The following PRSS23 variants were observed in gnomAD, a reference collection of about 807,000 sequenced individuals.
PRSS23 encodes the protein serine protease 23, also known as protease, serine 23.
In PRSS23, 25 loss-of-function variants were observed where a neutral mutation model predicts 34.7. That is an observed-to-expected ratio of 0.72 (90% CI 0.53 to 1.01). PRSS23 has a LOEUF of 1.01. Ranked by LOEUF, PRSS23 falls within the 50% of genes least tolerant of loss-of-function variation. PRSS23 has a pLI of 0.00. For synonymous variants in PRSS23, 176 were observed against 186.6 expected, an observed-to-expected ratio of 0.94 and a Z score of 0.46; for missense variants, 445 against 475.6, an observed-to-expected ratio of 0.94 and a Z score of 0.60.
At chr11:86,867,692 C>T (rs1338312339) in intron 2 of PRSS23, among the ~76,000 whole-genome samples, 1 of 151,942 alleles carries the variant, frequency 6.6e-6, no homozygotes, top group Non-Finnish European at 1.5e-5. Flanking sequence ...TCAGCCTGGG[C>T]AACATAGTGA....
chr11:86,800,812 G>T (rs1222805269), intron 1 of PRSS23, among the ~76,000 whole-genome samples, 161 bp downstream of exon 1: 1 of 152,216 alleles, frequency 6.6e-6, no homozygotes, highest in East Asian at 1.9e-4. Flanking sequence ...TCCAGGACAC[G>T]GGCTGGGGGC....
chr11:86,950,715 A>G (rs1949282927), intron 2 of PRSS23: 1 of 239,000 alleles, frequency 4.2e-6, no homozygotes, highest in Admixed American at 5.1e-5. Flanking sequence ...TTGCTATCTG[A>G]AAGACCCAGT....
chr11:86,851,319 G>A (rs1948527630), intron 2 of PRSS23, among the ~76,000 whole-genome samples: 1 of 152,192 alleles, frequency 6.6e-6, no homozygotes, highest in Non-Finnish European at 1.5e-5. Flanking sequence ...CAGGGGCAGG[G>A]GCAAGGGAGA....
At chr11:86,878,182 C>G in intron 2 of PRSS23, among the ~76,000 whole-genome samples, 1 of 102,680 alleles carries the variant, frequency 9.7e-6, no homozygotes, top group Admixed American at 9.7e-5. Flanking sequence ...TATAAAAATA[C>G]ACTTGAGAAA....
In PRSS23 at chr11:86,808,755, A is replaced by G; in HGVS notation, c.1112A>G (p.Tyr371Cys). Reference sequence around the variant, plus strand: ...CCTCTCAAATATGCCCAGATTTGCTATTGGATTAAAGGAAACTACCTGGAT... The same window carrying G: ...CCTCTCAAATATGCCCAGATTTGCTGTTGGATTAAAGGAAACTACCTGGAT... ...ITPLKYAQIC[Y>C]WIKGNYLDCR... Residue 371 changes from tyrosine (Y) to cysteine (C), a missense_variant, in exon 2 of 2, where the codon TAT becomes TGT. Physicochemically the swap from Tyr to Cys is radical, Grantham distance 194 (BLOSUM62 -2). Coordinates refer to ENST00000280258, the MANE Select transcript of PRSS23 (RefSeq NM_007173.6). 1 of 1,613,782 alleles carries G rather than the reference A, an allele frequency of 6.2e-7. No homozygotes were observed.
chr11:86,823,669 A>C, intron 2 of PRSS23: 1 of 689,428 alleles, frequency 1.5e-6, no homozygotes, highest in Non-Finnish European at 2.7e-6. Context: ...ACATTTTCTA[A>C]TGCATTTTAA....
intron 2 of PRSS23, among the ~76,000 whole-genome samples, chr11:86,834,011 G>A (rs1948382539): frequency 2.0e-5 from 3 of 152,192 alleles, no homozygotes; most frequent in Admixed American, 1.3e-4. Context: ...GTCATGGACT[G>A]CATCTGGGGC....
At chr11:86,859,973 C>A (rs1948601666) in intron 2 of PRSS23, among the ~76,000 whole-genome samples, 1 of 151,864 alleles carries the variant, frequency 6.6e-6, no homozygotes, top group Admixed American at 6.6e-5. Context: ...ATATTAATTC[C>A]AATATCGCTG....
upstream of PRSS23, among the ~76,000 whole-genome samples, chr11:86,796,163 A>T (rs1472301602): frequency 6.6e-6 from 1 of 152,204 alleles, no homozygotes; most frequent in African/African-American, 2.4e-5. Flanking sequence ...AGGACGGGAA[A>T]AGGCAAGTCT....
upstream of PRSS23, among the ~76,000 whole-genome samples, chr11:86,796,448 T>C (rs546515463): frequency 6.6e-6 from 1 of 151,862 alleles, no homozygotes; most frequent in South Asian, 2.1e-4. Context: ...GAGACCATCC[T>C]GGCTAACACG....
At chr11:86,896,334 T>C (rs1374926671) in intron 2 of PRSS23, 1 of 148,906 alleles carries the variant, frequency 6.7e-6, no homozygotes, top group African/African-American at 2.5e-5. Context: ...ACTTTCCAAT[T>C]CTTTAATATA....
intron 2 of PRSS23, among the ~76,000 whole-genome samples, chr11:86,893,447 C>T (rs2134975134): frequency 1.3e-5 from 2 of 152,298 alleles, no homozygotes; most frequent in Non-Finnish European, 2.9e-5. Context: ...TTCCGACCCA[C>T]TTATTTGTTG....
intron 2 of PRSS23, among the ~76,000 whole-genome samples, chr11:86,887,027 A>G (rs1423133400): frequency 6.6e-6 from 1 of 152,232 alleles, no homozygotes; most frequent in East Asian, 1.9e-4. Flanking sequence ...ACTATGTGCC[A>G]CCTAAAAAGG....
intron 2 of PRSS23, among the ~76,000 whole-genome samples, chr11:86,898,278 A>C (rs1948889589): frequency 6.6e-6 from 1 of 152,240 alleles, no homozygotes; most frequent in South Asian, 2.1e-4. Flanking sequence ...ATAGTGAAGA[A>C]GGCCCCTAAA....
chr11:86,792,099 T>A (rs2135587870), intron 1 of PRSS23, among the ~76,000 whole-genome samples: 1 of 152,310 alleles, frequency 6.6e-6, no homozygotes, highest in South Asian at 2.1e-4. Context: ...CTCTCTCCCA[T>A]GAGTTCTCCA....
intron 1 of PRSS23, chr11:86,823,240 G>C (rs1352644289): frequency 1.6e-6 from 1 of 615,042 alleles, no homozygotes; most frequent in Admixed American, 2.8e-5. Context: ...ATCTGTAAAA[G>C]CATCATAAAA....
intron 2 of PRSS23, among the ~76,000 whole-genome samples, chr11:86,892,709 A>C (rs1948849731): frequency 6.8e-6 from 1 of 146,796 alleles, no homozygotes; most frequent in East Asian, 2.0e-4. Flanking sequence ...TACTTGAATA[A>C]ATTTTATACT....
intron 2 of PRSS23, among the ~76,000 whole-genome samples, chr11:86,852,757 C>T (rs1948539286): frequency 6.6e-6 from 1 of 152,004 alleles, no homozygotes; most frequent in Non-Finnish European, 1.5e-5. Context: ...ATTCCTCTCT[C>T]TCGCCCACCC....
chr11:86,870,262 A>AAC (rs1948676342), intron 2 of PRSS23, among the ~76,000 whole-genome samples: 1 of 150,708 alleles, frequency 6.6e-6, no homozygotes, highest in Non-Finnish European at 1.5e-5. Context: ...GGAGGGGAAA[A>AAC]AACAACAACA....
Sources: allele counts gnomAD v4.1 joint callset (sites outside exome capture counted in the v4.1 genomes callset), GRCh38; gene constraint gnomAD v4.1.1; transcripts MANE v1.5; gene names NCBI Gene and HGNC (gene_info 2026-07-23, HGNC 2026-07-21).